Variants in ANKS1B observed in about 807,000 individuals in gnomAD.
ANKS1B encodes the protein ankyrin repeat and sterile alpha motif domain containing 1B.
In ANKS1B, 36 loss-of-function variants were observed where a neutral mutation model predicts 148.3. The ratio of observed to expected loss-of-function variants is 0.24; its 90% CI spans 0.19 to 0.32. The LOEUF is 0.32. ANKS1B is among the 10% of genes least tolerant of loss of function. The pLI is 1.00. For missense variants in ANKS1B, 1,157 were observed against 1,542.6 expected, an observed-to-expected ratio of 0.75 and a Z score of 4.19; for synonymous variants, 542 against 560.8, an observed-to-expected ratio of 0.97 and a Z score of 0.47.
chr12:99,101,510 G>A (rs1464993047), intron 15 of ANKS1B, among the ~76,000 whole-genome samples: 1 of 152,190 alleles, frequency 6.6e-6, no homozygotes, highest in African/African-American at 2.4e-5. Context: ...GATGGTTAAG[G>A]AGTCAGGTGA....
chr12:99,194,042 C>T (rs938569225), intron 14 of ANKS1B, among the ~76,000 whole-genome samples: 2 of 151,722 alleles, frequency 1.3e-5, no homozygotes, highest in Non-Finnish European at 2.9e-5. Context: ...CCTCGTGATC[C>T]GCCCGCCTCA....
intron 14 of ANKS1B, among the ~76,000 whole-genome samples, chr12:99,170,030 C>A (rs776077541): frequency 6.6e-6 from 1 of 152,172 alleles, no homozygotes; most frequent in African/African-American, 2.4e-5. Context: ...CTCCTTCCCC[C>A]CTTCACCTTA....
At chr12:98,911,846 A>G (rs2099787239) in intron 17 of ANKS1B, among the ~76,000 whole-genome samples, 2 of 152,192 alleles carry the variant, frequency 1.3e-5, no homozygotes, top group Admixed American at 6.5e-5. Context: ...TAAGCATATA[A>G]TCATGACCTT....
chr12:98,834,435 T>C (rs1479332926), intron 17 of ANKS1B, among the ~76,000 whole-genome samples: 2 of 152,236 alleles, frequency 1.3e-5, no homozygotes, highest in African/African-American at 2.4e-5. Flanking sequence ...GCAGTAGGAA[T>C]AACCAGGGAC....
chr12:99,863,576 G>A (rs750070557), intron 1 of ANKS1B, among the ~76,000 whole-genome samples: 12 of 152,002 alleles, frequency 7.9e-5, no homozygotes, highest in Non-Finnish European at 1.2e-4. Context: ...TTAGCCGGGC[G>A]TGGTGGCACA....
At chr12:99,720,698 CT>C (rs2057988922) in intron 8 of ANKS1B, among the ~76,000 whole-genome samples, 1 of 152,154 alleles carries the variant, frequency 6.6e-6, no homozygotes, top group Non-Finnish European at 1.5e-5. Flanking sequence ...ATGGACGCTC[CT>C]TTTTATTAGG....
At chr12:99,398,907 A>G (rs951248751) in intron 12 of ANKS1B, among the ~76,000 whole-genome samples, 2 of 152,232 alleles carry the variant, frequency 1.3e-5, no homozygotes, top group African/African-American at 4.8e-5. Flanking sequence ...CACAAATGCA[A>G]TTCTTGATTT....
At chr12:98,798,682 T>C (rs1448563352) in intron 22 of ANKS1B, among the ~76,000 whole-genome samples, 3 of 152,186 alleles carry the variant, frequency 2.0e-5, no homozygotes, top group Non-Finnish European at 4.4e-5. Flanking sequence ...AATGATACAA[T>C]TAATTTTAAA....
intron 25 of ANKS1B, among the ~76,000 whole-genome samples, chr12:98,768,607 G>C (rs1357096611): frequency 6.6e-6 from 1 of 151,548 alleles, no homozygotes; most frequent in Non-Finnish European, 1.5e-5. Context: ...GCTGGCGGGT[G>C]CCTGTAGTCC....
In ANKS1B at chr12:99,289,951, G is replaced by A. The variant is rs143365339; in HGVS notation, c.1757-43087C>T. 7.3e-5 allele frequency among the ~76,000 whole-genome samples: 11 copies of A among 151,338 alleles called. No homozygotes were observed. The East Asian group carries it at 2.1e-3, about 29-fold the overall frequency. On this transcript the variant is annotated intron_variant, in intron 12 of 26. Transcript: ENST00000683438. ...TTAGAGCAGAAATATAACAGAAACA[G>A]AAAAGAATAATACAAAACGTCAATG... is the stretch of plus-strand genomic sequence containing the variant.
At chr12:99,062,255 G>C (rs532566856) in intron 16 of ANKS1B, among the ~76,000 whole-genome samples, 1 of 152,142 alleles carries the variant, frequency 6.6e-6, no homozygotes, top group East Asian at 1.9e-4. Flanking sequence ...ATCGCTGAGC[G>C]TTGCCATATG....
chr12:98,809,277 G>C (rs1047730432), intron 19 of ANKS1B, among the ~76,000 whole-genome samples: 2 of 152,066 alleles, frequency 1.3e-5, no homozygotes, highest in African/African-American at 4.8e-5. Flanking sequence ...TACCTTTCTA[G>C]CAAGTTCAGT....
chr12:99,199,133 A>G (rs1009327509), intron 14 of ANKS1B, among the ~76,000 whole-genome samples: 3 of 152,132 alleles, frequency 2.0e-5, no homozygotes, highest in Non-Finnish European at 4.4e-5. Flanking sequence ...TCCCTGGCCA[A>G]TTTTTTGACT....
intron 10 of ANKS1B, among the ~76,000 whole-genome samples, chr12:99,452,743 C>T (rs1318624187): frequency 6.6e-6 from 1 of 152,182 alleles, no homozygotes; most frequent in Non-Finnish European, 1.5e-5. Flanking sequence ...ATAATTAACA[C>T]ATTTTACTTT....
In ANKS1B at chr12:99,812,119, A is replaced by G. The variant is rs1311698586; in HGVS notation, c.372+36T>C. 8.2e-6 allele frequency: 13 copies of G among 1,587,500 alleles called. No individual in the cohort carries two copies. In the South Asian group the frequency reaches 1.1e-4, roughly 14 times the overall value. ...TATGGCTTTGCCTTGTAAAACTAGAAAAATTACATCATGAGCAAACATTTG... is the reference window on the plus strand; with the variant it reads ...TATGGCTTTGCCTTGTAAAACTAGAGAAATTACATCATGAGCAAACATTTG... On this transcript the variant is annotated intron_variant, in intron 3 of 26. Coordinates refer to ENST00000683438, the MANE Select transcript of ANKS1B (RefSeq NM_001352186.2).
chr12:99,612,069 A>C (rs2097907099), intron 9 of ANKS1B, among the ~76,000 whole-genome samples: 4 of 152,060 alleles, frequency 2.6e-5, no homozygotes, highest in Admixed American at 2.0e-4. Context: ...GTCAGTTAAA[A>C]AATAGCAGCA....
intron 17 of ANKS1B, among the ~76,000 whole-genome samples, chr12:98,963,234 C>T (rs535507418): frequency 3.0e-4 from 45 of 150,808 alleles, no homozygotes; most frequent in African/African-American, 9.3e-4. Flanking sequence ...GGCTGGAGTG[C>T]AGTGGCATGA....
At chr12:99,255,465 T>C (rs1955414153) in intron 12 of ANKS1B, among the ~76,000 whole-genome samples, 1 of 152,104 alleles carries the variant, frequency 6.6e-6, no homozygotes, top group Non-Finnish European at 1.5e-5. Flanking sequence ...ATATTTGTTT[T>C]CTATTTCATT....
At chr12:99,535,530 A>G (rs2097056829) in intron 9 of ANKS1B, among the ~76,000 whole-genome samples, 1 of 152,244 alleles carries the variant, frequency 6.6e-6, no homozygotes, top group African/African-American at 2.4e-5. Flanking sequence ...AATAAATTTT[A>G]TTCAAATCAA....
Sources: gnomAD v4.1 joint callset for allele counts (sites outside exome capture counted in the v4.1 genomes callset) on GRCh38, gnomAD v4.1.1 for gene constraint, MANE v1.5 for transcripts, NCBI Gene and HGNC (gene_info 2026-07-23, HGNC 2026-07-21) for gene names.